The following CDH4 variants were observed in gnomAD, a reference collection of about 807,000 sequenced individuals.
CDH4 encodes cadherin 4.
CDH4 carries 33 observed loss-of-function variants against 86.0 expected under a neutral mutation model. The ratio of observed to expected loss-of-function variants is 0.38; its 90% confidence interval spans 0.29 to 0.51. The LOEUF (loss-of-function observed/expected upper bound fraction) is 0.51, where lower values mean the gene tolerates loss of function less well. Among genes scored for constraint, CDH4 ranks in the 20% least tolerant of loss-of-function variants. The pLI, the probability that CDH4 is intolerant of heterozygous loss-of-function variation, is 0.86. For missense variants in CDH4, 1,114 were observed against 1,307.4 expected, an observed-to-expected ratio of 0.85 and a Z score of 2.28; for synonymous variants, 555 against 549.4, an observed-to-expected ratio of 1.01 and a Z score of -0.14.
Position 61,907,581 on chromosome 20 carries a change from C to T in CDH4, c.1189-2841C>T, listed in dbSNP as rs553531417. ...GCAGTGCAGGGCCCAGTGTGTCCCA[C>T]GGCGGCGCCAGCTCCTTGTCCTGCT... On this transcript the variant is annotated intron_variant, in intron 8 of 15. Transcript: ENST00000614565. Among the ~76,000 whole-genome samples, 56 of 152,362 alleles carry T rather than the reference C, an allele frequency of 3.7e-4. 1 individual carries two copies. The South Asian group carries it at 4.6e-3, about 12-fold the overall frequency.
chr20:61,921,484 G>T (rs1438773976), intron 9 of CDH4, among the ~76,000 whole-genome samples: 1 of 152,260 alleles, frequency 6.6e-6, no homozygotes, highest in African/African-American at 2.4e-5. Context: ...GGGTGCAGTG[G>T]CCCACGCCTG....
intron 2 of CDH4, among the ~76,000 whole-genome samples, chr20:61,308,911 G>T (rs1434642096): frequency 1.3e-5 from 2 of 152,212 alleles, no homozygotes; most frequent in African/African-American, 4.8e-5. Context: ...CGTAGCCTGT[G>T]GTTTGCAGGA....
intron 2 of CDH4, among the ~76,000 whole-genome samples, chr20:61,602,234 C>T (rs980619227): frequency 6.6e-6 from 1 of 152,200 alleles, no homozygotes; most frequent in African/African-American, 2.4e-5. Context: ...CCAAAGCACA[C>T]ATTTTATCGC....
chr20:61,289,087 G>C (rs1196963951), intron 2 of CDH4, among the ~76,000 whole-genome samples: 1 of 152,204 alleles, frequency 6.6e-6, no homozygotes, highest in Non-Finnish European at 1.5e-5. Flanking sequence ...CTTCCCTAAG[G>C]CCAAACGTAC....
chr20:61,616,879 C>T (rs963999136), intron 2 of CDH4, among the ~76,000 whole-genome samples: 2 of 152,182 alleles, frequency 1.3e-5, no homozygotes, highest in East Asian at 3.9e-4. Flanking sequence ...GTCCCCGCTG[C>T]ACATCCAGGG....
rs147587513 is a variant in CDH4, at chr20:61,743,774, G to T, written c.381G>T (p.Pro127=). The T allele has an allele frequency of 2.5e-6, 4 of 1,601,074 alleles. No individual in the cohort carries two copies. The highest frequency in any genetic ancestry group is 3.4e-6 in the Non-Finnish European group (4 of 1,174,174). Residue 127 remains proline, a synonymous_variant, in exon 3 of 16, where the codon CCG becomes CCT. Transcript: ENST00000614565. ...TGCTGGTGGCCCAGACCTCGTCCCCGCACTCTGGACACAAGGTAAGGTGTG... is the reference window on the plus strand; with the variant it reads ...TGCTGGTGGCCCAGACCTCGTCCCCTCACTCTGGACACAAGGTAAGGTGTG... ...VRLLVAQTSS[P]HSGHKPQKGK...
chr20:61,648,446 C>A (rs1221067923), intron 2 of CDH4, among the ~76,000 whole-genome samples: 1 of 152,194 alleles, frequency 6.6e-6, no homozygotes, highest in African/African-American at 2.4e-5. Flanking sequence ...ACCTCAGGTC[C>A]AACCGAGCTG....
intron 2 of CDH4, among the ~76,000 whole-genome samples, chr20:61,262,719 G>A (rs2084134334): frequency 6.6e-6 from 1 of 151,972 alleles, no homozygotes; most frequent in East Asian, 1.9e-4. Flanking sequence ...AATGGAGGTG[G>A]ATAAAGGAAA....
intron 2 of CDH4, among the ~76,000 whole-genome samples, chr20:61,614,495 G>A (rs965426562): frequency 6.6e-5 from 10 of 152,082 alleles, no homozygotes; most frequent in Admixed American, 5.2e-4. Flanking sequence ...CCTGGGAACC[G>A]TCAGTCAGAA....
intron 3 of CDH4, among the ~76,000 whole-genome samples, chr20:61,758,929 G>A (rs906958550): frequency 1.9e-4 from 29 of 152,206 alleles, no homozygotes; most frequent in Admixed American, 1.8e-3. Context: ...GTGCACCTGT[G>A]TGCATGGGTG....
At chr20:61,391,031 G>T (rs932015265) in intron 2 of CDH4, among the ~76,000 whole-genome samples, 14 of 152,228 alleles carry the variant, frequency 9.2e-5, no homozygotes, top group Non-Finnish European at 1.9e-4. Flanking sequence ...CAGTGCCGCA[G>T]TGGGGGGTAG....
chr20:61,880,859 G>A (rs1984243958), intron 7 of CDH4, among the ~76,000 whole-genome samples: 1 of 152,226 alleles, frequency 6.6e-6, no homozygotes, highest in Non-Finnish European at 1.5e-5. Context: ...TGGCAGGTGT[G>A]GCCACCCAGC....
chr20:61,849,407 G>A lies in CDH4; in HGVS notation c.733-3347G>A, dbSNP rs538944267. Among the ~76,000 whole-genome samples, 14 of 152,294 alleles carry A rather than the reference G, an allele frequency of 9.2e-5. 1 individual carries two copies. The highest frequency in any genetic ancestry group is 3.4e-3 in the Middle Eastern group (1 of 294). ...GCACAAACTTAGTGGCTGAAACAAC[G>A]CCCTATGAGTTCACCGTGCTGTAGG... On this transcript the variant is annotated intron_variant, in intron 5 of 15. Transcript: ENST00000614565.
intron 4 of CDH4, among the ~76,000 whole-genome samples, chr20:61,783,441 T>C (rs1978651547): frequency 6.6e-6 from 1 of 152,216 alleles, no homozygotes; most frequent in African/African-American, 2.4e-5. Flanking sequence ...GTGAGAGAAA[T>C]GTAATCCCAG....
At chr20:61,771,621 CAAAAAAA>C (rs71331929) in intron 3 of CDH4, among the ~76,000 whole-genome samples, 1 of 110,096 alleles carries the variant, frequency 9.1e-6, no homozygotes, top group African/African-American at 3.6e-5. Context: ...GACTCCATCT[CAAAAAAA>C]AAAAAAAAAA....
intron 2 of CDH4, among the ~76,000 whole-genome samples, chr20:61,738,037 G>A (rs997687688): frequency 1.3e-5 from 2 of 152,160 alleles, no homozygotes; most frequent in Admixed American, 6.5e-5. Flanking sequence ...GCTCTGGTGT[G>A]AGGACAGCAG....
intron 9 of CDH4, among the ~76,000 whole-genome samples, chr20:61,920,429 G>A (rs1277662461): frequency 1.3e-5 from 2 of 148,346 alleles, no homozygotes; most frequent in African/African-American, 2.5e-5. Flanking sequence ...GCGTGGAAGC[G>A]TGTCTTGGTG....
At chr20:61,429,877 G>T (rs367614054) in intron 2 of CDH4, among the ~76,000 whole-genome samples, 7 of 152,210 alleles carry the variant, frequency 4.6e-5, no homozygotes, top group African/African-American at 7.2e-5. Context: ...TTCAAAAAGC[G>T]CTACATCTGT....
At chr20:61,506,550 T>G (rs1192712115) in intron 2 of CDH4, among the ~76,000 whole-genome samples, 1 of 152,236 alleles carries the variant, frequency 6.6e-6, no homozygotes, top group Non-Finnish European at 1.5e-5. Flanking sequence ...CTTTGCCTGT[T>G]GGGCAGAATT....
Sources: gnomAD v4.1 joint callset for allele counts (sites outside exome capture counted in the v4.1 genomes callset) on GRCh38, gnomAD v4.1.1 for gene constraint, MANE v1.5 for transcripts, NCBI Gene and HGNC (gene_info 2026-07-23, HGNC 2026-07-21) for gene names.